Variants in LHFPL3 observed in about 807,000 individuals in gnomAD.
LHFPL3 encodes the protein LHFPL tetraspan subfamily member 3.
LHFPL3 carries 5 observed loss-of-function variants against 19.3 expected under a neutral mutation model. The ratio of observed to expected loss-of-function variants is 0.26; its 90% CI spans 0.14 to 0.54. The LOEUF is 0.54. Ranked by LOEUF, LHFPL3 falls within the 20% of genes least tolerant of loss-of-function variation. The pLI is 0.94. For synonymous variants in LHFPL3, 133 were observed against 126.2 expected (o/e 1.05, Z -0.36); for missense variants, 249 against 307.4 (o/e 0.81, Z 1.42).
At chr7:104,644,802 C>T (rs539713925) in intron 1 of LHFPL3, among the ~76,000 whole-genome samples, 1 of 152,260 alleles carries the variant, frequency 6.6e-6, no homozygotes, top group East Asian at 1.9e-4. Context: ...TTTCCCGGCC[C>T]TGCTGAACGT....
chr7:104,483,304 T>G (rs1793171721), intron 1 of LHFPL3, among the ~76,000 whole-genome samples: 1 of 152,224 alleles, frequency 6.6e-6, no homozygotes. Context: ...CAAGTGGTGA[T>G]GCTTGGATGC....
chr7:104,432,378 C>T (rs1466575300), intron 1 of LHFPL3, among the ~76,000 whole-genome samples: 1 of 152,154 alleles, frequency 6.6e-6, no homozygotes. Context: ...GTGCCTCCTT[C>T]CTAAAACACT....
chr7:104,888,367 C>CA (rs563669593), intron 2 of LHFPL3, among the ~76,000 whole-genome samples: 1 of 151,866 alleles, frequency 6.6e-6, no homozygotes, highest in South Asian at 2.1e-4. Flanking sequence ...CCAATCTCTA[C>CA]AAAAAAAATT....
chr7:104,734,991 C>G (rs1049575090), intron 1 of LHFPL3, among the ~76,000 whole-genome samples: 6 of 152,100 alleles, frequency 3.9e-5, no homozygotes, highest in African/African-American at 1.4e-4. Context: ...CACTCCAGAC[C>G]CTGTTTGCCT....
rs185680709 is a variant in LHFPL3 at position 104,366,725 on chromosome 7, T to A, written c.445+37501T>A. 3.3e-5 allele frequency among the ~76,000 whole-genome samples: 5 copies of A among 152,342 alleles called. No homozygotes were observed. The East Asian group carries it at 7.7e-4, about 24-fold the overall frequency. On this transcript the variant is annotated intron_variant, in intron 1 of 2. Coordinates refer to ENST00000424859, the MANE Select transcript of LHFPL3 (RefSeq NM_199000.3). Reference sequence around the variant, plus strand: ...AATTATATTCTCCTGCTTGCCAGTATGAATGCATTTTATGGGAATGGCTTT... The same window carrying A: ...AATTATATTCTCCTGCTTGCCAGTAAGAATGCATTTTATGGGAATGGCTTT...
intron 1 of LHFPL3, chr7:104,668,551 C>A (rs1792406150): frequency 1.2e-6 from 2 of 1,612,902 alleles, no homozygotes; most frequent in African/African-American, 2.7e-5. Flanking sequence ...GGCTATGATT[C>A]CCGGATAGGC....
At chr7:104,456,997 A>C (rs994585610) in intron 1 of LHFPL3, among the ~76,000 whole-genome samples, 1 of 152,214 alleles carries the variant, frequency 6.6e-6, no homozygotes, top group Non-Finnish European at 1.5e-5. Context: ...ACTGTTGTAC[A>C]TTCCAATATG....
intron 1 of LHFPL3, among the ~76,000 whole-genome samples, chr7:104,342,538 A>T (rs916041767): frequency 7.2e-5 from 11 of 152,194 alleles, no homozygotes; most frequent in African/African-American, 2.4e-4. Flanking sequence ...AGTTCCTTTT[A>T]TACCCACAAA....
At chr7:104,613,594 A>T (rs954147079) in intron 1 of LHFPL3, among the ~76,000 whole-genome samples, 15 of 152,058 alleles carry the variant, frequency 9.9e-5, no homozygotes, top group Non-Finnish European at 2.9e-5. Context: ...TAATTCCGCA[A>T]CACCAACCCA....
At chr7:104,881,570 G>A (rs1031206802) in intron 2 of LHFPL3, among the ~76,000 whole-genome samples, 4 of 152,202 alleles carry the variant, frequency 2.6e-5, no homozygotes, top group Non-Finnish European at 5.9e-5. Flanking sequence ...TGCTTCTTAT[G>A]AATGAACAAA....
chr7:104,618,443 A>G (rs931848595), intron 1 of LHFPL3, among the ~76,000 whole-genome samples: 3 of 152,174 alleles, frequency 2.0e-5, no homozygotes, highest in African/African-American at 4.8e-5. Flanking sequence ...ATGGCTGGTA[A>G]GTGCCAGAAC....
chr7:104,752,890 C>G (rs1468368498), intron 2 of LHFPL3: 2 of 342,746 alleles, frequency 5.8e-6, no homozygotes, highest in Non-Finnish European at 1.0e-5. Context: ...TCTCCACCAG[C>G]TCACAGCCTC....
intron 2 of LHFPL3, among the ~76,000 whole-genome samples, chr7:104,771,416 G>A (rs1241296815): frequency 1.3e-5 from 2 of 152,124 alleles, no homozygotes; most frequent in African/African-American, 4.8e-5. Flanking sequence ...CATGTCAGAA[G>A]CAGCATCTGT....
chr7:104,560,434 T>A (rs1208968496), intron 1 of LHFPL3, among the ~76,000 whole-genome samples: 2 of 148,976 alleles, frequency 1.3e-5, no homozygotes, highest in Admixed American at 6.7e-5. Context: ...CAGGAATTTA[T>A]CCATTTCTTC....
chr7:104,328,964 G>T lies in LHFPL3; in HGVS notation c.185G>T (p.Gly62Val), dbSNP rs1331291191. Residue 62 changes from glycine (G) to valine (V), a missense_variant, in exon 1 of 3, where the codon GGC (glycine) becomes GTC (valine). By Grantham distance (109) the Gly-to-Val change is moderately radical (BLOSUM62 -3). Coordinates refer to ENST00000424859, the MANE Select transcript of LHFPL3 (RefSeq NM_199000.3). The surrounding 1 kb of genome is among the most constrained non-coding windows in gnomAD (Gnocchi z 4.6). ...VVCFIQPYWIGDGVDTPQAGY... is the reference protein window; with the variant it reads ...VVCFIQPYWIVDGVDTPQAGY... ...TGCTTCATCCAGCCCTACTGGATAGGCGACGGCGTGGACACCCCGCAAGCC... is the reference window on the plus strand; with the variant it reads ...TGCTTCATCCAGCCCTACTGGATAGTCGACGGCGTGGACACCCCGCAAGCC... 2 of 1,614,178 alleles carry T rather than the reference G, an allele frequency of 1.2e-6. No individual in the cohort carries two copies. The highest frequency in any genetic ancestry group is 1.7e-6 in the Non-Finnish European group (2 of 1,180,030).
At chr7:104,645,436 T>C (rs1022024941) in intron 1 of LHFPL3, among the ~76,000 whole-genome samples, 21 of 152,276 alleles carry the variant, frequency 1.4e-4, no homozygotes, top group Non-Finnish European at 2.2e-4. Flanking sequence ...CCATGAAATA[T>C]AATTGCCCAG....
intron 1 of LHFPL3, among the ~76,000 whole-genome samples, chr7:104,403,725 TTCTCTCTCTCTCTC>T (rs71786184): frequency 4.2e-5 from 6 of 143,708 alleles, no homozygotes; most frequent in South Asian, 4.5e-4. Context: ...TTAGTGAACA[TTCTCTCTCTCTCTC>T]TCTCTCTCTC....
At chr7:104,771,029 T>G (rs1456453805) in intron 2 of LHFPL3, among the ~76,000 whole-genome samples, 2 of 152,204 alleles carry the variant, frequency 1.3e-5, no homozygotes, top group Non-Finnish European at 2.9e-5. Context: ...TATTTATGGA[T>G]GAAAGAAACT....
intron 1 of LHFPL3, among the ~76,000 whole-genome samples, chr7:104,441,748 G>A (rs1350315194): frequency 6.6e-6 from 1 of 152,020 alleles, no homozygotes; most frequent in Non-Finnish European, 1.5e-5. Context: ...GCTAATTTTT[G>A]TATTTTTAGT....
Sources: allele counts gnomAD v4.1 joint callset (sites outside exome capture counted in the v4.1 genomes callset), GRCh38; gene constraint gnomAD v4.1.1; non-coding constraint Gnocchi (gnomAD v3.1); transcripts MANE v1.5; gene names NCBI Gene and HGNC (gene_info 2026-07-23, HGNC 2026-07-21).